Variants in NFE2 observed in about 807,000 individuals in gnomAD.
NFE2 encodes transcription factor NF-E2 45 kDa subunit.
A neutral mutation model predicts 25.8 loss-of-function variants in NFE2; 13 were observed. The observed-to-expected ratio is 0.50, with a 90% confidence interval of 0.33 to 0.80. The LOEUF is 0.80. Among genes scored for constraint, NFE2 ranks in the 30% least tolerant of loss-of-function variants. The pLI, the probability that NFE2 is intolerant of heterozygous loss-of-function variation, is 0.02. For synonymous variants in NFE2, 204 were observed against 200.2 expected (o/e 1.02, Z -0.16); for missense variants, 382 against 478.9 (o/e 0.80, Z 1.89).
At chr12:54,294,885 G>A (rs573515780) in intron 2 of NFE2, among the ~76,000 whole-genome samples, 194 of 152,172 alleles carry the variant, frequency 1.3e-3, no homozygotes, top group Middle Eastern at 3.4e-3. Flanking sequence ...AGAGAGATGT[G>A]AGTCAAGTGG....
intron 1 of NFE2, among the ~76,000 whole-genome samples, chr12:54,296,456 G>A (rs1240768490): frequency 6.6e-6 from 1 of 150,910 alleles, no homozygotes; most frequent in African/African-American, 2.4e-5. Context: ...GATTCTAAAG[G>A]TACATCAGAA....
intron 1 of NFE2, among the ~76,000 whole-genome samples, chr12:54,296,313 G>T (rs1475470138): frequency 6.6e-6 from 1 of 151,382 alleles, no homozygotes; most frequent in Admixed American, 6.6e-5. Context: ...GGGAAGCTGA[G>T]GCAGGAGAAT....
Position 54,293,081 on chromosome 12 carries a change from G to T in NFE2, c.415C>A (p.Gln139Lys). ...IGLPAGPPKP[Q>K]EDPESDSGLS... Reference sequence around the variant, plus strand: ...CCTGAGTCGGATTCTGGGTCTTCTTGGGGCTTAGGTGGCCCTGCTGGCAGC... The same window carrying T: ...CCTGAGTCGGATTCTGGGTCTTCTTTGGGCTTAGGTGGCCCTGCTGGCAGC... The change falls in exon 3 of 3, where the codon CAA becomes AAA. Residue 139 changes from glutamine to lysine, a missense_variant. Transcript: ENST00000435572. 6.6e-7 allele frequency: 1 copy of T among 1,522,758 alleles called. No individual in the cohort carries two copies. Among genetic ancestry groups the T allele is most frequent in the Non-Finnish European group, 8.8e-7 (1 of 1,136,864 alleles). The allele number at this position is 1,522,758 out of a possible 1,614,324, so 94.3% of individuals were successfully genotyped here.
At chr12:54,300,604 AG>A (rs1386369076) in intron 1 of NFE2, among the ~76,000 whole-genome samples, 196 bp downstream of exon 1, 1 of 152,138 alleles carries the variant, frequency 6.6e-6, no homozygotes, top group African/African-American at 2.4e-5. Context: ...AGAGCACCCA[AG>A]AAACCACTTA....
At position 54,292,682 on chromosome 12, in the gene NFE2, G is replaced by A. The variant is rs1944328549; in HGVS notation, c.814C>T (p.Arg272Ter). 2.5e-6 allele frequency: 4 copies of A among 1,614,036 alleles called. No homozygotes were observed. The highest frequency in any genetic ancestry group is 1.3e-5 in the African/African-American group (1 of 74,920). Residue 272 changes from arginine to a stop codon, truncating the protein, a stop_gained, in exon 3 of 3, where the codon CGA becomes TGA. Transcript: ENST00000435572. LOFTEE classifies it high-confidence loss of function. ...GCTGCCACCTTGTTTTTGCCCCGTC[G>A]TCGGATGTCCCGGACTAGCGCTAGC... Reference protein sequence around the residue: ...SQLALVRDIRRRGKNKVAAQN... With the variant: ...SQLALVRDIR
Position 54,292,587 on chromosome 12 carries a change from A to T in NFE2, c.909T>A (p.Asn303Lys), listed in dbSNP as rs759652282. The T allele has an allele frequency of 1.9e-6, 3 of 1,614,094 alleles. No individual in the cohort carries two copies. In the South Asian group the frequency reaches 3.3e-5, roughly 18 times the overall value. Residue 303 changes from asparagine to lysine, a missense_variant, in exon 3 of 3, where the codon AAT becomes AAA. Coordinates refer to ENST00000435572, the MANE Select transcript of NFE2 (RefSeq NM_001136023.3). ...QLERELERLT[N>K]ERERLLRARG... The stretch of plus-strand genomic sequence containing the variant: ...GGGCCCTGAGAAGCCGCTCCCGTTC[A>T]TTGGTCAGCCGCTCCAGCTCCCGCT...
rs755650233 is a variant in NFE2 at position 54,292,556 on chromosome 12, C to T, written c.940G>A (p.Glu314Lys). The T allele has an allele frequency of 5.6e-6, 9 of 1,614,032 alleles. No individual in the cohort carries two copies. In the South Asian group the frequency reaches 8.8e-5, roughly 16 times the overall value. Reference sequence around the variant, plus strand: ...ATGACCTCCAGGGTCCGGTCTGCCTCCCCGCGGGCCCTGAGAAGCCGCTCC... The same window carrying T: ...ATGACCTCCAGGGTCCGGTCTGCCTTCCCGCGGGCCCTGAGAAGCCGCTCC... ...ERERLLRARG[E>K]ADRTLEVMRQ... The change falls in exon 3 of 3, where the codon GAG becomes AAG. Residue 314 changes from glutamate to lysine, a missense_variant. By Grantham distance (56) the Glu-to-Lys change is moderately conservative. Transcript: ENST00000435572.
Position 54,292,587 on chromosome 12 carries a change from A to C in NFE2, c.909T>G (p.Asn303Lys). The C allele has an allele frequency of 6.2e-7, 1 of 1,614,094 alleles. No homozygotes were observed. The highest frequency in any genetic ancestry group is 8.5e-7 in the Non-Finnish European group (1 of 1,180,026). The change falls in exon 3 of 3, where the codon AAT (asparagine) becomes AAG (lysine). Residue 303 changes from asparagine (N) to lysine (K), a missense_variant. Coordinates refer to ENST00000435572, the MANE Select transcript of NFE2 (RefSeq NM_001136023.3). Reference protein sequence around the residue: ...QLERELERLTNERERLLRARG... With the variant: ...QLERELERLTKERERLLRARG... Reference sequence around the variant, plus strand: ...GGGCCCTGAGAAGCCGCTCCCGTTCATTGGTCAGCCGCTCCAGCTCCCGCT... The same window carrying C: ...GGGCCCTGAGAAGCCGCTCCCGTTCCTTGGTCAGCCGCTCCAGCTCCCGCT...
At chr12:54,300,598 C>G (rs368946580) in intron 1 of NFE2, among the ~76,000 whole-genome samples, 2 of 152,166 alleles carry the variant, frequency 1.3e-5, no homozygotes, top group African/African-American at 4.8e-5. Flanking sequence ...GATCCCAGAG[C>G]ACCCAAGAAA....
In NFE2 at chr12:54,293,149, AGCAG is replaced by A. The variant is rs1422235674; in HGVS notation, c.343_346del (p.Leu115SerfsTer9). The A allele has an allele frequency of 6.5e-7, 1 of 1,538,460 alleles. No homozygotes were observed. Among genetic ancestry groups the A allele is most frequent in the South Asian group, 1.2e-5 (1 of 80,160 alleles). ...TAAGGGGTCTTGGAGCGGCTCACTG[AGCAG>A]GCCTGAGAGGCTCAGTGGCTTGGAG... On this transcript the variant is annotated frameshift_variant, in exon 3 of 3. Transcript: ENST00000435572. LOFTEE classifies it high-confidence loss of function.
intron 1 of NFE2, 22 bp from the exon 2 acceptor site, chr12:54,295,326 GT>G: frequency 8.4e-7 from 1 of 1,196,652 alleles, no homozygotes; most frequent in Non-Finnish European, 1.2e-6. Flanking sequence ...GAAAAGAGGT[GT>G]TAGAGCTACA....
In NFE2 at chr12:54,292,335, A is replaced by G; in HGVS notation, c.*39T>C. On this transcript the variant is annotated 3_prime_UTR_variant, in exon 3 of 3. Transcript: ENST00000435572. ...GGAGTACCTTTATCAGAAGGGAATG[A>G]AGGAAATCCCATCAGCAGTTCCACC... 6.3e-7 allele frequency: 1 copy of G among 1,589,686 alleles called. No homozygotes were observed. The highest frequency in any genetic ancestry group is 8.6e-7 in the Non-Finnish European group (1 of 1,162,716).
In NFE2 at chr12:54,295,170, T is replaced by G; in HGVS notation, c.79A>C (p.Thr27Pro). The G allele has an allele frequency of 6.2e-7, 1 of 1,614,060 alleles. No homozygotes were observed. The highest frequency in any genetic ancestry group is 8.5e-7 in the Non-Finnish European group (1 of 1,179,996). Reference sequence around the variant, plus strand: ...GTGATGGACATGATCTCCTGCCAAGTCAGTTCCATCTCTCCTAGCTCTGAA... The same window carrying G: ...GTGATGGACATGATCTCCTGCCAAGGCAGTTCCATCTCTCCTAGCTCTGAA... ...STSELGEMEL[T>P]WQEIMSITEL... The change falls in exon 2 of 3, where the codon ACT becomes CCT. Residue 27 changes from threonine to proline, a missense_variant. By Grantham distance (38) the Thr-to-Pro change is conservative. Transcript: ENST00000435572.
In NFE2 at chr12:54,292,803, C is replaced by T; in HGVS notation, c.693G>A (p.Leu231=). Residue 231 remains leucine (L), a synonymous_variant, in exon 3 of 3, where the codon TTG becomes TTA. Transcript: ENST00000435572. The part of the protein sequence containing the change: ...EAGSRDERRA[L]AMKIPFPTDK... ...CCGTAGGAAAAGGAATCTTCATGGC[C>T]AAGGCCCGACGTTCATCCCGACTCC... 6.2e-7 allele frequency: 1 copy of T among 1,614,182 alleles called. No homozygotes were observed. The highest frequency in any genetic ancestry group is 8.5e-7 in the Non-Finnish European group (1 of 1,180,034).
rs142410365 is a variant in NFE2, at chr12:54,292,528, C to A, written c.968G>T (p.Arg323Leu). 7 of 1,614,162 alleles carry A rather than the reference C, an allele frequency of 4.3e-6. No individual in the cohort carries two copies. Among genetic ancestry groups the A allele is most frequent in the Non-Finnish European group, 3.4e-6 (4 of 1,180,016 alleles). Residue 323 changes from arginine (R) to leucine (L), a missense_variant, in exon 3 of 3, where the codon CGC becomes CTC. Coordinates refer to ENST00000435572, the MANE Select transcript of NFE2 (RefSeq NM_001136023.3). ...ACGGTACAGCTCTGTCAGCTGTTGG[C>A]GCATGACCTCCAGGGTCCGGTCTGC... ...GEADRTLEVM[R>L]QQLTELYRDI...
intron 1 of NFE2, among the ~76,000 whole-genome samples, chr12:54,298,675 G>C (rs1441849956): frequency 6.6e-6 from 1 of 152,066 alleles, no homozygotes; most frequent in Non-Finnish European, 1.5e-5. Context: ...ATTCACCTGG[G>C]CTACATGTAA....
chr12:54,300,435 G>C (rs1944412909), intron 1 of NFE2, among the ~76,000 whole-genome samples: 1 of 152,178 alleles, frequency 6.6e-6, no homozygotes, highest in African/African-American at 2.4e-5. Flanking sequence ...ACAGGGCAGA[G>C]TAATGGAATG....
At chr12:54,297,794 A>G (rs1944387906) in intron 1 of NFE2, 1 of 152,090 alleles carries the variant, frequency 6.6e-6, no homozygotes, top group Non-Finnish European at 1.5e-5. Flanking sequence ...GCAATTTAAT[A>G]TGGAATCTTC....
chr12:54,296,977 A>T (rs35702801), intron 1 of NFE2, among the ~76,000 whole-genome samples: 1 of 152,000 alleles, frequency 6.6e-6, no homozygotes, highest in Admixed American at 6.6e-5. Flanking sequence ...AAGAGATTCC[A>T]AGTAGATTTG....
Sources: gnomAD v4.1 joint callset for allele counts (sites outside exome capture counted in the v4.1 genomes callset) on GRCh38, gnomAD v4.1.1 for gene constraint, MANE v1.5 for transcripts, NCBI Gene and HGNC (gene_info 2026-07-23, HGNC 2026-07-21) for gene names.